Variants in DIPK2B observed in about 807,000 individuals in gnomAD.
DIPK2B encodes the protein UPF0672 protein CXorf36.
In DIPK2B, 15 loss-of-function variants were observed where a neutral mutation model predicts 22.2. That is an observed-to-expected ratio of 0.68 (90% CI 0.45 to 1.04). The LOEUF (loss-of-function observed/expected upper bound fraction) is 1.04, where lower values mean the gene tolerates loss of function less well. Ranked by LOEUF, DIPK2B falls within the 50% of genes least tolerant of loss-of-function variation. The pLI is 0.00. For missense variants in DIPK2B, 345 were observed against 348.3 expected (o/e 0.99, Z 0.08); for synonymous variants, 163 against 153.2 (o/e 1.06, Z -0.47).
intron 2 of DIPK2B, chrX:45,164,098 T>C: frequency 7.5e-6 from 8 of 1,066,207 alleles, no homozygotes; most frequent in Non-Finnish European, 8.6e-6. Flanking sequence ...TCTTTAATGA[T>C]TACTATTTGA....
chrX:45,164,971 G>A (rs1454823925), intron 2 of DIPK2B, among the ~76,000 whole-genome samples: 1 of 111,027 alleles, frequency 9.0e-6, no homozygotes, highest in Non-Finnish European at 1.9e-5. Flanking sequence ...TTAATCAGGA[G>A]AAAGATGGGG....
At chrX:45,164,140 G>A in intron 2 of DIPK2B, 2 of 1,157,567 alleles carry the variant, frequency 1.7e-6, no homozygotes, top group Non-Finnish European at 2.3e-6. Flanking sequence ...GTTGGGAGAA[G>A]GCTAACACTT....
rs34281975 is a variant in DIPK2B, at chrX:45,153,474, TTGTGTGTGTGTGTG to T, written c.961+422_961+435del. Among the ~76,000 whole-genome samples the T allele has an allele frequency of 9.9e-3, 731 of 73,854 alleles. 15 individuals are homozygous for T. The highest frequency in any genetic ancestry group is 0.034 in the African/African-American group (656 of 19,212). The allele number at this position is 73,854 out of a possible 115,157, so 64.1% of individuals were successfully genotyped here. A position where few individuals can be genotyped will look rare whatever the true frequency, so the allele number is the denominator to read the frequency against. On this transcript the variant is annotated intron_variant, in intron 4 of 4. Coordinates refer to ENST00000398000, the MANE Select transcript of DIPK2B (RefSeq NM_176819.4). The stretch of plus-strand genomic sequence containing the variant: ...TGAGTGGGAGATGGACCCAAAAGTT[TTGTGTGTGTGTGTG>T]TGTGTGTGTGTGTGTGTGTGTGTGT...
Position 45,191,762 on chromosome X carries a change from C to A in DIPK2B, c.487G>T (p.Asp163Tyr), listed in dbSNP as rs1420414422. Residue 163 changes from aspartate (D) to tyrosine (Y), a missense_variant, in exon 2 of 5, where the codon GAC becomes TAC. Coordinates refer to ENST00000398000, the MANE Select transcript of DIPK2B (RefSeq NM_176819.4). ...KWLQAKRLTP[D>Y]LVQGLASPLL... Reference sequence around the variant, plus strand: ...GCCTTCACACTCACCTGCACCAGGTCCGGCGTGAGGCGCTTGGCCTGCAGC... The same window carrying A: ...GCCTTCACACTCACCTGCACCAGGTACGGCGTGAGGCGCTTGGCCTGCAGC... 8.3e-7 allele frequency: 1 copy of A among 1,209,422 alleles called. No individual in the cohort carries two copies. The highest frequency in any genetic ancestry group is 1.8e-5 in the South Asian group (1 of 56,733).
At position 45,148,668 on chromosome X, in the gene DIPK2B, C is replaced by T. The variant is rs2046945156; in HGVS notation, c.*2984G>A. On this transcript the variant is annotated 3_prime_UTR_variant, in exon 5 of 5. Coordinates refer to ENST00000398000, the MANE Select transcript of DIPK2B (RefSeq NM_176819.4). ...GGCAACTTCCCCCATCACCCAATCACCTCCCATCAGGCCCCACCTCCAATG... is the reference window on the plus strand; with the variant it reads ...GGCAACTTCCCCCATCACCCAATCATCTCCCATCAGGCCCCACCTCCAATG... The T allele has an allele frequency of 9.0e-6, 1 of 111,356 alleles. No individual in the cohort carries two copies. Among genetic ancestry groups the T allele is most frequent in the Middle Eastern group, 4.6e-3 (1 of 218 alleles). 9.2% of individuals were successfully genotyped at this position (111,356 alleles called of 1,213,427 possible). A position where few individuals can be genotyped will look rare whatever the true frequency, so the allele number is the denominator to read the frequency against.
chrX:45,154,288 T>TATC (rs1169553447), intron 3 of DIPK2B, 90 bp from the exon 4 acceptor site: 14 of 568,244 alleles, frequency 2.5e-5, no homozygotes, highest in Middle Eastern at 5.6e-4. Flanking sequence ...CCTATCTATC[T>TATC]ATCTATCTAT....
At chrX:45,180,396 T>A (rs1288679270) in intron 2 of DIPK2B, among the ~76,000 whole-genome samples, 1 of 111,872 alleles carries the variant, frequency 8.9e-6, no homozygotes, top group Non-Finnish European at 1.9e-5. Flanking sequence ...TCTTTCTTGA[T>A]GAGTCTCACA....
chrX:45,200,255 G>A (rs1244554006), intron 1 of DIPK2B, among the ~76,000 whole-genome samples: 1 of 111,294 alleles, frequency 9.0e-6, no homozygotes, highest in Non-Finnish European at 1.9e-5. Context: ...TTTAAAATAG[G>A]TGTCACATTG....
At chrX:45,154,962 A>G (rs1224242030) in intron 3 of DIPK2B, among the ~76,000 whole-genome samples, 1 of 111,869 alleles carries the variant, frequency 8.9e-6, no homozygotes, top group East Asian at 2.8e-4. Flanking sequence ...GGCACGTGCC[A>G]CCATGCCTGG....
intron 1 of DIPK2B, among the ~76,000 whole-genome samples, chrX:45,198,314 A>T (rs2047250783): frequency 1.8e-5 from 2 of 111,762 alleles, no homozygotes; most frequent in African/African-American, 6.5e-5. Context: ...CACGACTTTG[A>T]TAATAAGAAA....
At chrX:45,168,788 G>A (rs1194631438) in intron 2 of DIPK2B, among the ~76,000 whole-genome samples, 1 of 111,758 alleles carries the variant, frequency 8.9e-6, no homozygotes, top group Non-Finnish European at 1.9e-5. Context: ...TATTCCCATC[G>A]GCCTGCGGAG....
At chrX:45,162,439 C>T (rs750512075) in intron 2 of DIPK2B, 6 of 752,658 alleles carry the variant, frequency 8.0e-6, no homozygotes, top group East Asian at 3.0e-4. Flanking sequence ...TTACTAACCC[C>T]TCCCTTTATG....
At chrX:45,155,431 A>AT (rs34203440) in intron 3 of DIPK2B, among the ~76,000 whole-genome samples, 22,829 of 96,157 alleles carry the variant, frequency 0.24, 2,662 homozygotes, top group Admixed American at 0.39. Context: ...TCAAAAAAAA[A>AT]ATATATATAT....
intron 2 of DIPK2B, chrX:45,164,153 T>C: frequency 8.6e-7 from 1 of 1,165,342 alleles, no homozygotes; most frequent in Non-Finnish European, 1.1e-6. Flanking sequence ...TAACACTTTC[T>C]GGAAGTTCTC....
chrX:45,156,442 G>T (rs749136528), intron 3 of DIPK2B, among the ~76,000 whole-genome samples: 1 of 112,232 alleles, frequency 8.9e-6, no homozygotes, highest in East Asian at 2.8e-4. Flanking sequence ...TCAAGAGCCA[G>T]GCCTAAAAGT....
chrX:45,167,613 C>T (rs780294401), intron 2 of DIPK2B, among the ~76,000 whole-genome samples: 3 of 110,669 alleles, frequency 2.7e-5, no homozygotes, highest in Non-Finnish European at 5.7e-5. Flanking sequence ...CCACTGAAAC[C>T]CAGACACAGC....
rs1211356605 is a variant in DIPK2B at position 45,157,688 on chromosome X, T to C, written c.672+27A>G. 7 of 1,164,346 alleles carry C rather than the reference T, an allele frequency of 6.0e-6. No individual in the cohort carries two copies. The Admixed American group carries it at 1.7e-4, about 28-fold the overall frequency. ...GGGAGTCCAAGATTGACCCCCAACC[T>C]AGAGGGCTTGCCAGGTCGCTGCATA... is the stretch of plus-strand genomic sequence containing the variant. On this transcript the variant is annotated intron_variant, in intron 3 of 4. Coordinates refer to ENST00000398000, the MANE Select transcript of DIPK2B (RefSeq NM_176819.4).
Position 45,154,214 on chromosome X carries a change from G to C in DIPK2B, c.673-16C>G. ...CAGGGAAGATCTGCCAAGCCAGAAGGAGGAGGATTAGAGAGAAAAATCTGG... is the reference window on the plus strand; with the variant it reads ...CAGGGAAGATCTGCCAAGCCAGAAGCAGGAGGATTAGAGAGAAAAATCTGG... On this transcript the variant is annotated splice_polypyrimidine_tract_variant and intron_variant, in intron 3 of 4. Transcript: ENST00000398000. 1 of 1,177,235 alleles carries C rather than the reference G, an allele frequency of 8.5e-7. No homozygotes were observed. The highest frequency in any genetic ancestry group is 1.8e-5 in the African/African-American group (1 of 56,813).
chrX:45,200,142 A>C (rs1224919754), intron 1 of DIPK2B, among the ~76,000 whole-genome samples: 1 of 111,877 alleles, frequency 8.9e-6, no homozygotes, highest in African/African-American at 3.2e-5. Flanking sequence ...GGGTCCCATC[A>C]TCTCACAGAG....
Sources: gnomAD v4.1 joint callset for allele counts (sites outside exome capture counted in the v4.1 genomes callset) on GRCh38, gnomAD v4.1.1 for gene constraint, MANE v1.5 for transcripts, NCBI Gene and HGNC (gene_info 2026-07-23, HGNC 2026-07-21) for gene names.